The following CTNNA2 variants were observed in gnomAD, a reference collection of about 807,000 sequenced individuals.
The protein encoded by CTNNA2 is catenin alpha-2.
In CTNNA2, 42 loss-of-function variants were observed where a neutral mutation model predicts 101.0. That is an observed-to-expected ratio of 0.42 (90% CI 0.32 to 0.54). CTNNA2 has a LOEUF of 0.54. CTNNA2 is among the 20% of genes least tolerant of loss of function. The pLI is 0.14. For synonymous variants in CTNNA2, 450 were observed against 456.4 expected (o/e 0.99, Z 0.18); for missense variants, 871 against 1,223.1 (o/e 0.71, Z 4.29).
chr2:80,390,280 C>A (rs1573923968), intron 7 of CTNNA2, among the ~76,000 whole-genome samples: 1 of 152,206 alleles, frequency 6.6e-6, no homozygotes, highest in African/African-American at 2.4e-5. Flanking sequence ...ATTGAGCGTG[C>A]TAATCTTTCT....
intron 6 of CTNNA2, among the ~76,000 whole-genome samples, chr2:79,879,296 C>T (rs564136327): frequency 5.3e-5 from 8 of 152,080 alleles, no homozygotes; most frequent in East Asian, 3.9e-4. Flanking sequence ...CTTGGCTATA[C>T]GGGGTCTTCT....
At chr2:80,216,558 G>T (rs1174098465) in intron 7 of CTNNA2, among the ~76,000 whole-genome samples, 1 of 152,142 alleles carries the variant, frequency 6.6e-6, no homozygotes, top group African/African-American at 2.4e-5. Flanking sequence ...GCCTTTATAA[G>T]AAGAAGCCAT....
At chr2:79,899,884 G>T (rs893827582) in intron 6 of CTNNA2, among the ~76,000 whole-genome samples, 1 of 152,056 alleles carries the variant, frequency 6.6e-6, no homozygotes, top group African/African-American at 2.4e-5. Flanking sequence ...CCCCAATTAC[G>T]TCAAGAGAAA....
At position 79,894,063 on chromosome 2, in the gene CTNNA2, T is replaced by TTCCTCC. The variant is rs1553396416; in HGVS notation, c.853-15517_853-15512dup. 3.8e-3 allele frequency among the ~76,000 whole-genome samples: 235 copies of TTCCTCC among 61,314 alleles called. 8 individuals carry two copies. The highest frequency in any genetic ancestry group is 0.013 in the African/African-American group (207 of 16,340). 40.2% of individuals were successfully genotyped at this position (61,314 alleles called of 152,430 possible). A position where few individuals can be genotyped will look rare whatever the true frequency, so the allele number is the denominator to read the frequency against. ...CTTCTTCTTCTTCTTCTTCTTCTTC[T>TTCCTCC]TCCTCCTCCTCCTCCTCCTTCTTCT... On this transcript the variant is annotated intron_variant, in intron 6 of 18. Transcript: ENST00000402739.
intron 7 of CTNNA2, among the ~76,000 whole-genome samples, chr2:80,273,231 C>A (rs1248992890): frequency 6.6e-6 from 1 of 152,050 alleles, no homozygotes; most frequent in Non-Finnish European, 1.5e-5. Flanking sequence ...ACAACTTCAC[C>A]CTTTTGGTTA....
intron 11 of CTNNA2, 126 bp downstream of exon 11, chr2:80,546,189 G>C: frequency 2.6e-6 from 3 of 1,143,146 alleles, no homozygotes; most frequent in Non-Finnish European, 3.6e-6. Context: ...GAGCTTTTTT[G>C]ATCATCTCTG....
At chr2:80,108,844 G>A (rs1340171333) in intron 7 of CTNNA2, among the ~76,000 whole-genome samples, 1 of 152,014 alleles carries the variant, frequency 6.6e-6, no homozygotes, top group Non-Finnish European at 1.5e-5. Flanking sequence ...TTGCTTTTTT[G>A]TTTACACACT....
intron 7 of CTNNA2, among the ~76,000 whole-genome samples, chr2:80,271,204 C>T (rs367674440): frequency 2.0e-5 from 3 of 152,152 alleles, no homozygotes; most frequent in Non-Finnish European, 2.9e-5. Flanking sequence ...TTTATCCCCC[C>T]CTTGGGTCAT....
intron 7 of CTNNA2, among the ~76,000 whole-genome samples, chr2:80,375,274 G>A (rs1675832474): frequency 6.6e-6 from 1 of 152,124 alleles, no homozygotes; most frequent in Non-Finnish European, 1.5e-5. Flanking sequence ...GGAGGGAAAA[G>A]GGCCTCCCCA....
At chr2:80,529,794 T>C (rs1046883942) in intron 9 of CTNNA2, among the ~76,000 whole-genome samples, 1 of 152,148 alleles carries the variant, frequency 6.6e-6, no homozygotes, top group Non-Finnish European at 1.5e-5. Context: ...CGTAGCAGAT[T>C]GAAAGGTCAG....
At chr2:80,210,718 T>C (rs1707833527) in intron 7 of CTNNA2, among the ~76,000 whole-genome samples, 1 of 152,208 alleles carries the variant, frequency 6.6e-6, no homozygotes, top group Non-Finnish European at 1.5e-5. Context: ...TATAATCCTT[T>C]GGGTATATAC....
At chr2:79,235,731 AG>A (rs1475341200) in intron 2 of CTNNA2, among the ~76,000 whole-genome samples, 1 of 152,074 alleles carries the variant, frequency 6.6e-6, no homozygotes, top group Non-Finnish European at 1.5e-5. Context: ...TAGGTGCTAC[AG>A]GGGTGGGTGG....
chr2:79,466,183 A>T (rs1428022609), intron 4 of CTNNA2, among the ~76,000 whole-genome samples: 4 of 152,206 alleles, frequency 2.6e-5, no homozygotes, highest in African/African-American at 9.6e-5. Flanking sequence ...GGTCACTCCC[A>T]CCCTAATACT....
intron 3 of CTNNA2, among the ~76,000 whole-genome samples, chr2:79,804,142 C>G (rs1676379515): frequency 6.6e-6 from 1 of 152,084 alleles, no homozygotes; most frequent in Non-Finnish European, 1.5e-5. Context: ...AATAATGTTC[C>G]CAGATATGGG....
chr2:80,252,360 C>A (rs947951206), intron 7 of CTNNA2, among the ~76,000 whole-genome samples: 28 of 152,238 alleles, frequency 1.8e-4, no homozygotes, highest in African/African-American at 6.5e-4. Flanking sequence ...TATGCCTTTA[C>A]TTTTCTGTTT....
At chr2:80,645,556 C>T (rs1019013096) in intron 18 of CTNNA2, among the ~76,000 whole-genome samples, 3 of 141,434 alleles carry the variant, frequency 2.1e-5, no homozygotes, top group African/African-American at 7.9e-5. Flanking sequence ...CTAGTTAAAA[C>T]AAAGATTGCA....
intron 7 of CTNNA2, among the ~76,000 whole-genome samples, chr2:80,002,937 C>A (rs557527428): frequency 6.6e-6 from 1 of 152,154 alleles, no homozygotes; most frequent in Non-Finnish European, 1.5e-5. Flanking sequence ...ATTTTATACA[C>A]GCTGGGATGC....
intron 7 of CTNNA2, among the ~76,000 whole-genome samples, chr2:80,337,335 A>G (rs1276594553): frequency 6.6e-6 from 1 of 151,910 alleles, no homozygotes; most frequent in African/African-American, 2.4e-5. Context: ...AGCCTGGGCA[A>G]CAGAGCCAGA....
chr2:79,311,431 G>C (rs1273146887), intron 2 of CTNNA2, among the ~76,000 whole-genome samples: 1 of 116,442 alleles, frequency 8.6e-6, no homozygotes, highest in African/African-American at 3.3e-5. Flanking sequence ...AAAAAAAAAA[G>C]AGGTGATTAA....
Sources: gnomAD v4.1 joint callset for allele counts (sites outside exome capture counted in the v4.1 genomes callset) on GRCh38, gnomAD v4.1.1 for gene constraint, MANE v1.5 for transcripts, NCBI Gene and HGNC (gene_info 2026-07-23, HGNC 2026-07-21) for gene names.